MSH3: variants seen among roughly 807,000 people sequenced by gnomAD.
MSH3 encodes DNA mismatch repair protein Msh3.
A neutral mutation model predicts 123.3 loss-of-function variants in MSH3; 106 were observed. The ratio of observed to expected loss-of-function variants is 0.86; its 90% CI spans 0.73 to 1.01. MSH3 has a LOEUF of 1.01. MSH3 is among the 50% of genes least tolerant of loss of function. MSH3 has a pLI of 0.00. For missense variants in MSH3, 1,459 were observed against 1,347.6 expected, an observed-to-expected ratio of 1.08 and a Z score of -1.29; for synonymous variants, 515 against 481.4, an observed-to-expected ratio of 1.07 and a Z score of -0.91.
intron 22 of MSH3, among the ~76,000 whole-genome samples, chr5:80,870,716 AGAG>A (rs1746197894): frequency 6.6e-6 from 1 of 152,174 alleles, no homozygotes; most frequent in East Asian, 1.9e-4. Flanking sequence ...CCGAATTCTT[AGAG>A]GAGGGCCAGG....
At chr5:80,766,329 T>C (rs1206449716) in intron 13 of MSH3, among the ~76,000 whole-genome samples, 3 of 150,184 alleles carry the variant, frequency 2.0e-5, no homozygotes, top group Non-Finnish European at 3.0e-5. Flanking sequence ...TTTTCTAGTG[T>C]GTTTTTTTCC....
intron 20 of MSH3, among the ~76,000 whole-genome samples, chr5:80,831,777 CT>C (rs1214811985): frequency 6.6e-6 from 1 of 151,742 alleles, no homozygotes; most frequent in Non-Finnish European, 1.5e-5. Context: ...ATGGGAACAT[CT>C]TCAGTTTCAG....
At chr5:80,718,293 A>G (rs1751003398) in intron 8 of MSH3, among the ~76,000 whole-genome samples, 1 of 152,180 alleles carries the variant, frequency 6.6e-6, no homozygotes, top group African/African-American at 2.4e-5. Context: ...TTTAAAATTT[A>G]TATTTTTAGA....
At chr5:80,824,540 G>A (rs1745260679) in intron 20 of MSH3, among the ~76,000 whole-genome samples, 1 of 152,218 alleles carries the variant, frequency 6.6e-6, no homozygotes, top group Non-Finnish European at 1.5e-5. Context: ...GTGAAGCCAA[G>A]ATGTGGAAGC....
At chr5:80,669,957 G>T (rs184918079) in intron 3 of MSH3, 140 bp from the exon 4 acceptor site, 263 of 763,308 alleles carry the variant, frequency 3.4e-4, no homozygotes, top group Non-Finnish European at 4.6e-4. Flanking sequence ...TAGTTTGCCG[G>T]AATGCTACAA....
intron 8 of MSH3, among the ~76,000 whole-genome samples, chr5:80,690,469 G>A (rs1750203857): frequency 1.3e-5 from 2 of 151,918 alleles, no homozygotes; most frequent in Admixed American, 6.6e-5. Flanking sequence ...CACCACACCC[G>A]GCTAATTTTT....
At chr5:80,807,596 T>G (rs1744915039) in intron 19 of MSH3, among the ~76,000 whole-genome samples, 1 of 152,254 alleles carries the variant, frequency 6.6e-6, no homozygotes, top group Non-Finnish European at 1.5e-5. Context: ...TTTATCACTT[T>G]TGTGTTACAT....
At chr5:80,727,465 G>A (rs1743323114) in intron 9 of MSH3, among the ~76,000 whole-genome samples, 1 of 152,158 alleles carries the variant, frequency 6.6e-6, no homozygotes, top group Non-Finnish European at 1.5e-5. Flanking sequence ...AAACAGTGTA[G>A]TCGTATATAA....
intron 7 of MSH3, among the ~76,000 whole-genome samples, chr5:80,678,075 G>A (rs1225650810): frequency 6.6e-6 from 1 of 152,192 alleles, no homozygotes; most frequent in Non-Finnish European, 1.5e-5. Context: ...GTCAGAAGTG[G>A]CTTTCCATCA....
chr5:80,654,958 G>T lies in MSH3; in HGVS notation c.231G>T (p.Pro77=), dbSNP rs1435823219. ...CCGCCTTCCCGCCCCAGCTGCCGCC[G>T]CACATAGTAGGTTCTGTCTGGGACT... ...PAPAFPPQLP[P]HIATEIDRRK... Residue 77 remains proline, a synonymous_variant, in exon 1 of 24, where the codon CCG becomes CCT. Coordinates refer to ENST00000265081, the MANE Select transcript of MSH3 (RefSeq NM_002439.5). 8.2e-6 allele frequency: 12 copies of T among 1,470,410 alleles called. No homozygotes were observed. In the East Asian group the frequency reaches 3.3e-4, roughly 40 times the overall value. 91.1% of individuals were successfully genotyped at this position (1,470,410 alleles called of 1,614,324 possible).
chr5:80,680,010 C>T (rs1749937983), intron 8 of MSH3, among the ~76,000 whole-genome samples: 1 of 152,062 alleles, frequency 6.6e-6, no homozygotes, highest in African/African-American at 2.4e-5. Context: ...GCCTGTAATC[C>T]TAGCACTTTG....
At chr5:80,750,078 AGT>A (rs57762095) in intron 12 of MSH3, among the ~76,000 whole-genome samples, 1,820 of 134,222 alleles carry the variant, frequency 0.014, 9 homozygotes, top group Middle Eastern at 0.03. Context: ...AGTATTCCAG[AGT>A]GTGTGTGTGT....
intron 16 of MSH3, among the ~76,000 whole-genome samples, chr5:80,777,574 A>T (rs1239895498): frequency 2.0e-5 from 3 of 152,232 alleles, no homozygotes; most frequent in African/African-American, 7.2e-5. Flanking sequence ...AGCAAGGCAT[A>T]AATCAGTGAC....
intron 8 of MSH3, among the ~76,000 whole-genome samples, chr5:80,705,754 C>T (rs989399623): frequency 1.3e-5 from 2 of 151,124 alleles, no homozygotes; most frequent in African/African-American, 4.9e-5. Context: ...CGGCCACCTC[C>T]TTCTTACGTC....
At chr5:80,765,252 T>TA (rs1561470388) in intron 13 of MSH3, among the ~76,000 whole-genome samples, 1 of 152,232 alleles carries the variant, frequency 6.6e-6, no homozygotes, top group Non-Finnish European at 1.5e-5. Context: ...ACAATAATCA[T>TA]AAGAGGTTAA....
At chr5:80,777,025 G>A (rs1442016048) in intron 16 of MSH3, among the ~76,000 whole-genome samples, 2 of 150,242 alleles carry the variant, frequency 1.3e-5, no homozygotes, top group Non-Finnish European at 3.0e-5. Context: ...TCCGCCTCCC[G>A]GGTTCAAATG....
intron 15 of MSH3, among the ~76,000 whole-genome samples, chr5:80,774,869 C>A (rs781059634): frequency 2.0e-5 from 3 of 151,788 alleles, no homozygotes; most frequent in Non-Finnish European, 4.4e-5. Flanking sequence ...ACAAAAAAAC[C>A]AGAAAGAATG....
At chr5:80,873,760 AT>A (rs1281483717) in intron 23 of MSH3, among the ~76,000 whole-genome samples, 1 of 152,174 alleles carries the variant, frequency 6.6e-6, no homozygotes, top group East Asian at 1.9e-4. Flanking sequence ...ATTGTGACAA[AT>A]TTTTCATTCT....
rs771500013 is a variant in MSH3 at position 80,768,102 on chromosome 5, T to C, written c.2066T>C (p.Leu689Pro). ...CCAGTGGAGCATTACTTAAAGATAC[T>C]CAATGAACAAGCTGCCAAGTAAGTA... ...LSPVEHYLKI[L>P]NEQAAKVGDK... Residue 689 changes from leucine to proline, a missense_variant, in exon 14 of 24, where the codon CTC (leucine) becomes CCC (proline). Leu to Pro is a moderately conservative substitution (Grantham distance 98). Coordinates refer to ENST00000265081, the MANE Select transcript of MSH3 (RefSeq NM_002439.5). 3.7e-6 allele frequency: 6 copies of C among 1,613,616 alleles called. No individual in the cohort carries two copies. Among genetic ancestry groups the C allele is most frequent in the Non-Finnish European group, 5.1e-6 (6 of 1,179,692 alleles).
Sources: allele counts gnomAD v4.1 joint callset (sites outside exome capture counted in the v4.1 genomes callset), GRCh38; gene constraint gnomAD v4.1.1; transcripts MANE v1.5; gene names NCBI Gene and HGNC (gene_info 2026-07-23, HGNC 2026-07-21).